Variants in PCGF5 observed in about 807,000 individuals in gnomAD.
The protein encoded by PCGF5 is polycomb group RING finger protein 5.
PCGF5 carries 9 observed loss-of-function variants against 44.3 expected under a neutral mutation model. The observed-to-expected ratio is 0.20, with a 90% confidence interval of 0.12 to 0.35. The LOEUF is 0.35. Ranked by LOEUF, PCGF5 falls within the 10% of genes least tolerant of loss-of-function variation. The pLI, the probability that PCGF5 is intolerant of heterozygous loss-of-function variation, is 1.00. For synonymous variants in PCGF5, 95 were observed against 102.5 expected, an observed-to-expected ratio of 0.93 and a Z score of 0.44; for missense variants, 146 against 305.3, an observed-to-expected ratio of 0.48 and a Z score of 3.89.
intron 6 of PCGF5, among the ~76,000 whole-genome samples, chr10:91,253,321 G>A (rs1197732477): frequency 6.6e-6 from 1 of 151,890 alleles, no homozygotes; most frequent in Non-Finnish European, 1.5e-5. Context: ...TTTCAATCCT[G>A]TCTCGCCCCC....
chr10:91,260,551 G>T (rs1387271705), intron 6 of PCGF5, among the ~76,000 whole-genome samples: 1 of 151,984 alleles, frequency 6.6e-6, no homozygotes, highest in Non-Finnish European at 1.5e-5. Flanking sequence ...CAAAGACTTG[G>T]AACCAACCCA....
At chr10:91,238,268 G>T (rs1845221549) in intron 2 of PCGF5, among the ~76,000 whole-genome samples, 1 of 152,142 alleles carries the variant, frequency 6.6e-6, no homozygotes, top group South Asian at 2.1e-4. Flanking sequence ...CTGTTCTTGG[G>T]TACTGGTGCT....
At chr10:91,207,166 T>G (rs947843742) in intron 1 of PCGF5, among the ~76,000 whole-genome samples, 2 of 152,150 alleles carry the variant, frequency 1.3e-5, no homozygotes, top group Non-Finnish European at 2.9e-5. Context: ...AAAGAGGAAT[T>G]TTTTCAGCCT....
intron 1 of PCGF5, among the ~76,000 whole-genome samples, chr10:91,173,412 G>A (rs953682800): frequency 3.9e-5 from 6 of 151,952 alleles, no homozygotes; most frequent in Middle Eastern, 3.2e-3. Context: ...TTTTTGTATT[G>A]TAAAATATAA....
chr10:91,237,072 A>G (rs927384611), intron 2 of PCGF5, among the ~76,000 whole-genome samples: 16 of 152,334 alleles, frequency 1.1e-4, no homozygotes, highest in African/African-American at 3.8e-4. Flanking sequence ...TTTAACCACT[A>G]ACTAGCTTCA....
intron 1 of PCGF5, among the ~76,000 whole-genome samples, chr10:91,201,095 C>T (rs1844243597): frequency 6.6e-6 from 1 of 152,186 alleles, no homozygotes; most frequent in African/African-American, 2.4e-5. Flanking sequence ...ACTTAGACCA[C>T]ATTTTCATGG....
chr10:91,243,748 A>G (rs1161421525), intron 3 of PCGF5, among the ~76,000 whole-genome samples: 3 of 152,250 alleles, frequency 2.0e-5, no homozygotes, highest in African/African-American at 7.2e-5. Context: ...TTATTGTTCA[A>G]TAAATAAAAA....
intron 1 of PCGF5, among the ~76,000 whole-genome samples, chr10:91,199,972 G>A (rs1844218983): frequency 6.6e-6 from 1 of 152,206 alleles, no homozygotes. Context: ...ACTGCTGTGG[G>A]CAACTGGAGC....
At chr10:91,274,533 C>T (rs975399954) in intron 9 of PCGF5, among the ~76,000 whole-genome samples, 5 of 152,054 alleles carry the variant, frequency 3.3e-5, no homozygotes, top group East Asian at 3.9e-4. Context: ...TCTAGGCCTT[C>T]GAGGTTACAG....
At chr10:91,274,231 T>C (rs1846252884) in intron 9 of PCGF5, among the ~76,000 whole-genome samples, 1 of 152,212 alleles carries the variant, frequency 6.6e-6, no homozygotes, top group Non-Finnish European at 1.5e-5. Flanking sequence ...TTTGTTTAAC[T>C]TGACAAAGTC....
In PCGF5 at chr10:91,190,559, A is replaced by G. The variant is rs563317104; in HGVS notation, c.-184+27478A>G. Among the ~76,000 whole-genome samples the G allele has an allele frequency of 3.3e-5, 5 of 152,322 alleles. No homozygotes were observed. In the South Asian group the frequency reaches 1.0e-3, roughly 32 times the overall value. ...GGAAAGTTATGAAACACAGCCTGTA[A>G]CCATGGTGAGGAAAGTTGATTGGTG... is the stretch of plus-strand genomic sequence containing the variant. On this transcript the variant is annotated intron_variant, in intron 1 of 9. Transcript: ENST00000614189.
At chr10:91,158,034 A>G (rs894965360), upstream of PCGF5, among the ~76,000 whole-genome samples, 5 of 152,236 alleles carry the variant, frequency 3.3e-5, no homozygotes, top group African/African-American at 1.2e-4. Context: ...TTACTTTTTA[A>G]GATTAAGACA....
At chr10:91,250,530 AT>A (rs1845598996) in intron 5 of PCGF5, among the ~76,000 whole-genome samples, 1 of 106,910 alleles carries the variant, frequency 9.4e-6, no homozygotes, top group Non-Finnish European at 1.9e-5. Flanking sequence ...CCTTTATTTG[AT>A]TCCATACCCT....
intron 5 of PCGF5, among the ~76,000 whole-genome samples, chr10:91,249,258 T>G (rs1001378535): frequency 6.6e-5 from 10 of 151,390 alleles, no homozygotes; most frequent in Non-Finnish European, 1.3e-4. Context: ...ATGGGAATTT[T>G]CTCCATCACC....
chr10:91,190,315 T>C (rs554926531), intron 1 of PCGF5, among the ~76,000 whole-genome samples: 2 of 152,354 alleles, frequency 1.3e-5, no homozygotes, highest in Non-Finnish European at 2.9e-5. Context: ...TTTCAACATA[T>C]GAATTTTGGG....
chr10:91,229,137 A>G (rs1844933002), intron 2 of PCGF5, among the ~76,000 whole-genome samples: 1 of 152,236 alleles, frequency 6.6e-6, no homozygotes, highest in African/African-American at 2.4e-5. Context: ...TACCCAACCA[A>G]GAACCCTTCT....
chr10:91,240,646 G>T (rs1845298878), intron 3 of PCGF5, 66 bp downstream of exon 3: 5 of 988,842 alleles, frequency 5.1e-6, no homozygotes, highest in South Asian at 1.5e-5. Flanking sequence ...AATTTTTATT[G>T]TATGTCATAA....
chr10:91,259,124 C>A (rs1049404139), intron 6 of PCGF5, among the ~76,000 whole-genome samples: 7 of 152,072 alleles, frequency 4.6e-5, no homozygotes, highest in African/African-American at 1.7e-4. Context: ...TGGATTGGTT[C>A]TTATATTTTA....
chr10:91,163,178 C>A (rs1338733216), intron 1 of PCGF5: 2 of 149,758 alleles, frequency 1.3e-5, no homozygotes, highest in South Asian at 4.2e-4. Context: ...GGGGGGGAGG[C>A]CCCGGGAGCC....
Sources: allele counts gnomAD v4.1 joint callset (sites outside exome capture counted in the v4.1 genomes callset), GRCh38; gene constraint gnomAD v4.1.1; transcripts MANE v1.5; gene names NCBI Gene and HGNC (gene_info 2026-07-23, HGNC 2026-07-21).